The following CDH13 variants were observed in gnomAD, a reference collection of about 807,000 sequenced individuals.
CDH13 encodes cadherin-13.
A neutral mutation model predicts 63.8 loss-of-function variants in CDH13; 24 were observed. The observed-to-expected ratio is 0.38, with a 90% CI of 0.27 to 0.53. The LOEUF is 0.53. CDH13 is among the 20% of genes least tolerant of loss of function. CDH13 has a pLI of 0.85. For synonymous variants in CDH13, 503 were observed against 355.3 expected (o/e 1.42, Z -4.67); for missense variants, 1,049 against 903.1 (o/e 1.16, Z -2.07).
At chr16:82,683,185 A>C (rs1914729107) in intron 1 of CDH13, among the ~76,000 whole-genome samples, 1 of 152,182 alleles carries the variant, frequency 6.6e-6, no homozygotes, top group South Asian at 2.1e-4. Context: ...TGGTCTTACT[A>C]AACCTTCCCT....
chr16:83,485,866 C>T (rs1181234184), intron 6 of CDH13, among the ~76,000 whole-genome samples: 1 of 152,102 alleles, frequency 6.6e-6, no homozygotes, highest in African/African-American at 2.4e-5. Context: ...AAATGAAGGC[C>T]ATGGCTAGAT....
intron 5 of CDH13, among the ~76,000 whole-genome samples, chr16:83,243,493 A>T (rs572560269): frequency 6.6e-6 from 1 of 152,068 alleles, no homozygotes; most frequent in Admixed American, 6.5e-5. Flanking sequence ...CTCTCCCACA[A>T]CACATGGTAA....
At chr16:83,608,814 C>A (rs528697059) in intron 8 of CDH13, among the ~76,000 whole-genome samples, 1 of 151,962 alleles carries the variant, frequency 6.6e-6, no homozygotes, top group South Asian at 2.1e-4. Flanking sequence ...AGCCAGTATT[C>A]GCATTTTTAA....
intron 2 of CDH13, among the ~76,000 whole-genome samples, chr16:83,030,640 T>TGAAAAA (rs1916219282): frequency 1.1e-5 from 1 of 92,916 alleles, no homozygotes; most frequent in African/African-American, 4.5e-5. Context: ...AAGACTCTGT[T>TGAAAAA]AAAAAAAAAA....
intron 8 of CDH13, among the ~76,000 whole-genome samples, chr16:83,653,165 G>A (rs771615787): frequency 1.8e-4 from 28 of 152,180 alleles, no homozygotes; most frequent in Non-Finnish European, 1.9e-4. Flanking sequence ...AGAATGGGGA[G>A]TGGCTGCTCC....
At chr16:82,650,150 G>C (rs893263127) in intron 1 of CDH13, among the ~76,000 whole-genome samples, 1 of 152,212 alleles carries the variant, frequency 6.6e-6, no homozygotes, top group Non-Finnish European at 1.5e-5. Flanking sequence ...GGGAGAAATA[G>C]ATTTTGTGTA....
chr16:82,912,230 A>ATATGTTGCTTTTCACACATCC (rs6145918), intron 2 of CDH13, among the ~76,000 whole-genome samples: 1 of 151,866 alleles, frequency 6.6e-6, no homozygotes, highest in Non-Finnish European at 1.5e-5. Context: ...CTGCATGTTA[A>ATATGTTGCTTTTCACACATCC]TATTTTCTTA....
intron 4 of CDH13, among the ~76,000 whole-genome samples, chr16:83,126,093 A>C (rs560216116): frequency 6.6e-6 from 1 of 152,208 alleles, no homozygotes; most frequent in African/African-American, 2.4e-5. Context: ...GAGAGTCAAC[A>C]TGGAGAATCA....
chr16:83,714,346 C>G (rs1029907538), intron 10 of CDH13, among the ~76,000 whole-genome samples: 1 of 152,190 alleles, frequency 6.6e-6, no homozygotes, highest in Non-Finnish European at 1.5e-5. Context: ...AATCTACGCT[C>G]TCGGTCATAG....
chr16:82,746,927 G>A (rs1322514785), intron 1 of CDH13, among the ~76,000 whole-genome samples: 1 of 152,110 alleles, frequency 6.6e-6, no homozygotes, highest in Non-Finnish European at 1.5e-5. Context: ...GAGCAGCCCT[G>A]TTTCTTTCGT....
At chr16:83,546,299 C>A (rs1216446606) in intron 7 of CDH13, among the ~76,000 whole-genome samples, 3 of 152,142 alleles carry the variant, frequency 2.0e-5, no homozygotes, top group African/African-American at 7.2e-5. Flanking sequence ...CTTGGCATCC[C>A]CAGTACTTTG....
At chr16:83,371,010 C>T (rs892896297) in intron 6 of CDH13, among the ~76,000 whole-genome samples, 11 of 152,134 alleles carry the variant, frequency 7.2e-5, no homozygotes, top group African/African-American at 2.7e-4. Context: ...GTCAGAATGG[C>T]TATTACTAAA....
chr16:83,179,044 C>G (rs1016267025), intron 4 of CDH13, among the ~76,000 whole-genome samples: 7 of 152,128 alleles, frequency 4.6e-5, no homozygotes, highest in Admixed American at 3.3e-4. Context: ...TGCATTAAGC[C>G]TCAACAAATG....
intron 1 of CDH13, among the ~76,000 whole-genome samples, chr16:82,656,745 C>T (rs1461599697): frequency 6.6e-6 from 1 of 152,140 alleles, no homozygotes; most frequent in Non-Finnish European, 1.5e-5. Flanking sequence ...CTACCCACTC[C>T]CTTCTCCCTA....
At chr16:83,634,219 C>G (rs1014661286) in intron 8 of CDH13, among the ~76,000 whole-genome samples, 1 of 151,248 alleles carries the variant, frequency 6.6e-6, no homozygotes, top group African/African-American at 2.4e-5. Context: ...CATCATGATA[C>G]AGGACAGCTG....
chr16:83,272,329 C>T (rs2088849429), intron 5 of CDH13, among the ~76,000 whole-genome samples: 1 of 152,182 alleles, frequency 6.6e-6, no homozygotes, highest in Non-Finnish European at 1.5e-5. Context: ...GTTCTTGCTA[C>T]ATAAAGAGTT....
chr16:83,275,227 G>C (rs2088949795), intron 5 of CDH13, among the ~76,000 whole-genome samples: 1 of 152,114 alleles, frequency 6.6e-6, no homozygotes, highest in South Asian at 2.1e-4. Flanking sequence ...GAGAGATGCT[G>C]GGCCACATAA....
chr16:83,377,406 G>C (rs2091479208), intron 6 of CDH13, among the ~76,000 whole-genome samples: 1 of 152,136 alleles, frequency 6.6e-6, no homozygotes. Flanking sequence ...ATCTCTCTAT[G>C]TGGATATAAA....
intron 1 of CDH13, among the ~76,000 whole-genome samples, chr16:82,640,170 C>T (rs1265734703): frequency 6.6e-6 from 1 of 152,186 alleles, no homozygotes; most frequent in Non-Finnish European, 1.5e-5. Context: ...GAGTGATAGA[C>T]AGTGTTGTTC....
Sources: gnomAD v4.1 joint callset for allele counts (sites outside exome capture counted in the v4.1 genomes callset) on GRCh38, gnomAD v4.1.1 for gene constraint, MANE v1.5 for transcripts, NCBI Gene and HGNC (gene_info 2026-07-23, HGNC 2026-07-21) for gene names.